The following LHFPL3 variants were observed in gnomAD, a reference collection of about 807,000 sequenced individuals.
LHFPL3 encodes the protein LHFPL tetraspan subfamily member 3 protein.
In LHFPL3, 5 loss-of-function variants were observed where a neutral mutation model predicts 19.3. The observed-to-expected ratio is 0.26, with a 90% CI of 0.14 to 0.54. The LOEUF (loss-of-function observed/expected upper bound fraction) is 0.54. LHFPL3 is among the 20% of genes least tolerant of loss of function. The pLI is 0.94. For synonymous variants in LHFPL3, 133 were observed against 126.2 expected (o/e 1.05, Z -0.36); for missense variants, 249 against 307.4 (o/e 0.81, Z 1.42).
chr7:104,403,760 A>C (rs2078483), intron 1 of LHFPL3, among the ~76,000 whole-genome samples: 94 of 148,532 alleles, frequency 6.3e-4, no homozygotes, highest in African/African-American at 2.3e-3. Context: ...TCTCTCTCTC[A>C]TCATTAGGAA....
chr7:104,595,123 T>C (rs1385031580), intron 1 of LHFPL3, among the ~76,000 whole-genome samples: 1 of 152,230 alleles, frequency 6.6e-6, no homozygotes, highest in Non-Finnish European at 1.5e-5. Flanking sequence ...AGAGGCACTC[T>C]GATTTTGAGA....
chr7:104,498,872 T>C (rs889973257), intron 1 of LHFPL3, among the ~76,000 whole-genome samples: 2 of 152,220 alleles, frequency 1.3e-5, no homozygotes. Context: ...CAATCAATTC[T>C]CAGCTAAAAA....
intron 1 of LHFPL3, among the ~76,000 whole-genome samples, chr7:104,434,173 G>C (rs113723936): frequency 6.6e-6 from 1 of 152,154 alleles, no homozygotes; most frequent in Non-Finnish European, 1.5e-5. Context: ...TGGTTACAGA[G>C]GACTAACTCC....
chr7:104,629,420 T>C (rs940472219), intron 1 of LHFPL3, among the ~76,000 whole-genome samples: 4 of 152,176 alleles, frequency 2.6e-5, no homozygotes, highest in African/African-American at 7.2e-5. Flanking sequence ...TTATTTACTT[T>C]GTTTCTGAGG....
chr7:104,406,994 A>G (rs1403417512), intron 1 of LHFPL3, among the ~76,000 whole-genome samples: 1 of 152,160 alleles, frequency 6.6e-6, no homozygotes, highest in Non-Finnish European at 1.5e-5. Context: ...TCCACTTACC[A>G]GCTACTTGAT....
At chr7:104,578,286 C>T (rs1009344765) in intron 1 of LHFPL3, among the ~76,000 whole-genome samples, 11 of 152,160 alleles carry the variant, frequency 7.2e-5, no homozygotes, top group Non-Finnish European at 1.2e-4. Context: ...CTGTGATGGG[C>T]CTGCTTCTTT....
At chr7:104,440,102 C>T (rs1278535469) in intron 1 of LHFPL3, among the ~76,000 whole-genome samples, 2 of 151,076 alleles carry the variant, frequency 1.3e-5, no homozygotes, top group Admixed American at 6.6e-5. Context: ...GGGTGCAGCA[C>T]ACCAGCATGG....
chr7:104,653,924 G>T (rs1792078130), intron 1 of LHFPL3, among the ~76,000 whole-genome samples: 1 of 152,198 alleles, frequency 6.6e-6, no homozygotes, highest in Non-Finnish European at 1.5e-5. Context: ...AGAACCAGGT[G>T]ATGTTGCTTC....
intron 1 of LHFPL3, among the ~76,000 whole-genome samples, chr7:104,374,208 ATGTGTGTGTG>A (rs1006955104): frequency 5.4e-5 from 8 of 147,154 alleles, no homozygotes; most frequent in South Asian, 2.2e-4. Context: ...CTATCTATAT[ATGTGTGTGTG>A]TGTGTGTGTG....
At chr7:104,481,696 C>T (rs1793140201) in intron 1 of LHFPL3, among the ~76,000 whole-genome samples, 1 of 152,086 alleles carries the variant, frequency 6.6e-6, no homozygotes, top group Non-Finnish European at 1.5e-5. Flanking sequence ...GTAGATGGTT[C>T]AGATTTCAGG....
chr7:104,858,694 A>G (rs1326042419), intron 2 of LHFPL3, among the ~76,000 whole-genome samples: 2 of 151,922 alleles, frequency 1.3e-5, no homozygotes, highest in African/African-American at 2.4e-5. Context: ...TCAACCTTTT[A>G]TATTCTCATC....
chr7:104,456,582 T>A (rs140426551), intron 1 of LHFPL3, among the ~76,000 whole-genome samples: 43 of 152,340 alleles, frequency 2.8e-4, no homozygotes, highest in African/African-American at 1.0e-3. Context: ...CCTCAGTATA[T>A]GATATTTTTC....
At chr7:104,722,682 A>C (rs1381486326) in intron 1 of LHFPL3, among the ~76,000 whole-genome samples, 1 of 152,182 alleles carries the variant, frequency 6.6e-6, no homozygotes, top group Non-Finnish European at 1.5e-5. Flanking sequence ...TATCTCTTTT[A>C]CCAGGTGTTA....
intron 2 of LHFPL3, among the ~76,000 whole-genome samples, chr7:104,767,969 A>G (rs4730043): frequency 0.3 from 45,507 of 151,982 alleles, 7,531 homozygotes; most frequent in East Asian, 0.67. Context: ...ACTGTTTTCT[A>G]TCCTCTCATC....
At chr7:104,798,688 A>G (rs1420755815) in intron 2 of LHFPL3, among the ~76,000 whole-genome samples, 1 of 145,696 alleles carries the variant, frequency 6.9e-6, no homozygotes, top group African/African-American at 2.4e-5. Flanking sequence ...TAGGTGCTAG[A>G]AAGTCTCACG....
intron 1 of LHFPL3, among the ~76,000 whole-genome samples, chr7:104,514,955 GAAGCCC>G (rs1327954874): frequency 6.6e-6 from 1 of 152,068 alleles, no homozygotes; most frequent in Non-Finnish European, 1.5e-5. Flanking sequence ...GCACTCAATG[GAAGCCC>G]AGCCCATGAT....
intron 1 of LHFPL3, among the ~76,000 whole-genome samples, chr7:104,712,508 A>G (rs1354284359): frequency 6.6e-6 from 1 of 152,202 alleles, no homozygotes; most frequent in African/African-American, 2.4e-5. Context: ...ATACCATCAC[A>G]TTGCAAATTC....
At position 104,657,191 on chromosome 7, in the gene LHFPL3, T is replaced by A. The variant is rs906422372; in HGVS notation, c.446-79484T>A. On this transcript the variant is annotated intron_variant, in intron 1 of 2. Transcript: ENST00000424859. Reference sequence around the variant, plus strand: ...CAAGTGGTTCTTAAGCATCAAAATATTCAATCACCAATATGTTATCCAACT... The same window carrying A: ...CAAGTGGTTCTTAAGCATCAAAATAATCAATCACCAATATGTTATCCAACT... Among the ~76,000 whole-genome samples the A allele has an allele frequency of 5.3e-5, 8 of 152,372 alleles. No individual in the cohort carries two copies. In the East Asian group the frequency reaches 9.6e-4, roughly 18 times the overall value.
At chr7:104,469,122 T>G (rs1330346198) in intron 1 of LHFPL3, among the ~76,000 whole-genome samples, 1 of 152,182 alleles carries the variant, frequency 6.6e-6, no homozygotes, top group Non-Finnish European at 1.5e-5. Flanking sequence ...CCAGCCTCGG[T>G]CACTGGAGTA....
Sources: allele counts gnomAD v4.1 joint callset (sites outside exome capture counted in the v4.1 genomes callset), GRCh38; gene constraint gnomAD v4.1.1; transcripts MANE v1.5; gene names NCBI Gene and HGNC (gene_info 2026-07-23, HGNC 2026-07-21).